The following EEPD1 variants were observed in gnomAD, a reference collection of about 807,000 sequenced individuals.
EEPD1 encodes endonuclease/exonuclease/phosphatase family domain containing 1.
A neutral mutation model predicts 46.3 loss-of-function variants in EEPD1; 17 were observed. The observed-to-expected ratio is 0.37, with a 90% CI of 0.25 to 0.55. The LOEUF is 0.55. Among genes scored for constraint, EEPD1 ranks in the 20% least tolerant of loss-of-function variants. The probability of loss-of-function intolerance (pLI) is 0.83; values close to 1 mark genes in which losing one functional copy is unlikely to be tolerated. For missense variants in EEPD1, 673 were observed against 745.6 expected, an observed-to-expected ratio of 0.90 and a Z score of 1.13; for synonymous variants, 313 against 315.6, an observed-to-expected ratio of 0.99 and a Z score of 0.09.
At chr7:36,261,327 C>T (rs1436655737) in intron 3 of EEPD1, among the ~76,000 whole-genome samples, 1 of 152,172 alleles carries the variant, frequency 6.6e-6, no homozygotes, top group Non-Finnish European at 1.5e-5. Flanking sequence ...CTGGAAGGGC[C>T]TCTGCTTGCC....
chr7:36,161,420 G>A (rs144329376), intron 2 of EEPD1, among the ~76,000 whole-genome samples: 1 of 151,960 alleles, frequency 6.6e-6, no homozygotes, highest in Non-Finnish European at 1.5e-5. Flanking sequence ...CTCAGCATTC[G>A]GTCAGGGATG....
intron 2 of EEPD1, among the ~76,000 whole-genome samples, chr7:36,224,616 GT>G: frequency 6.6e-6 from 1 of 152,284 alleles, no homozygotes; most frequent in Admixed American, 6.5e-5. Flanking sequence ...GCCAGGAACA[GT>G]AAAACGTGAA....
chr7:36,274,725 C>G (rs1787159200), intron 3 of EEPD1, among the ~76,000 whole-genome samples: 1 of 152,056 alleles, frequency 6.6e-6, no homozygotes, highest in South Asian at 2.1e-4. Flanking sequence ...TTGTAATGAC[C>G]CCAGGCATTC....
intron 6 of EEPD1, 84 bp downstream of exon 6, chr7:36,287,861 G>A (rs1427210236): frequency 4.5e-6 from 7 of 1,539,526 alleles, no homozygotes; most frequent in Non-Finnish European, 6.1e-6. Flanking sequence ...CTGACCACTT[G>A]GGCTGGCTGT....
intron 2 of EEPD1, among the ~76,000 whole-genome samples, chr7:36,230,439 A>C (rs989383578): frequency 6.6e-6 from 1 of 152,142 alleles, no homozygotes; most frequent in Non-Finnish European, 1.5e-5. Flanking sequence ...TTTCTGCAGA[A>C]TAATCCTTGA....
rs1787460418 is a variant in EEPD1, at chr7:36,292,423, TTTTC to T, written c.1316-4564_1316-4561del. Among the ~76,000 whole-genome samples the T allele has an allele frequency of 2.0e-5, 3 of 151,764 alleles. No individual in the cohort carries two copies. In the South Asian group the frequency reaches 6.3e-4, roughly 32 times the overall value. ...CTTTCTTTTCTTTCTTTTTCTCTCT[TTTTC>T]TTTCTCTCTCTCTGTCTCTCCCTCC... On this transcript the variant is annotated intron_variant, in intron 6 of 7. Coordinates refer to ENST00000242108, the MANE Select transcript of EEPD1 (RefSeq NM_030636.3).
chr7:36,262,033 A>G (rs150418400), intron 3 of EEPD1, among the ~76,000 whole-genome samples: 1 of 152,346 alleles, frequency 6.6e-6, no homozygotes, highest in East Asian at 1.9e-4. Flanking sequence ...GCGTTCACTG[A>G]CATTCCTTAG....
intron 6 of EEPD1, 102 bp downstream of exon 6, chr7:36,287,879 C>T: frequency 6.7e-7 from 1 of 1,494,162 alleles, no homozygotes; most frequent in Non-Finnish European, 9.1e-7. Flanking sequence ...TGTTTGTCAG[C>T]AATGTGAGTC....
intron 2 of EEPD1, among the ~76,000 whole-genome samples, chr7:36,187,203 G>A (rs775100738): frequency 1.3e-5 from 2 of 152,076 alleles, no homozygotes; most frequent in Non-Finnish European, 2.9e-5. Context: ...AATATTAAGC[G>A]ACATCACTTT....
At chr7:36,158,296 G>A (rs1471787451) in intron 2 of EEPD1, among the ~76,000 whole-genome samples, 2 of 152,092 alleles carry the variant, frequency 1.3e-5, no homozygotes, top group Non-Finnish European at 2.9e-5. Context: ...CTGCCTCTTG[G>A]TTAGACACCC....
intron 2 of EEPD1, among the ~76,000 whole-genome samples, chr7:36,213,345 G>A (rs1413142546): frequency 3.3e-5 from 5 of 152,092 alleles, no homozygotes; most frequent in Non-Finnish European, 7.4e-5. Flanking sequence ...TGGTCTGATG[G>A]TGTCTGAGAT....
intron 2 of EEPD1, among the ~76,000 whole-genome samples, chr7:36,166,726 T>G (rs1733972761): frequency 6.6e-6 from 1 of 152,238 alleles, no homozygotes; most frequent in Admixed American, 6.5e-5. Flanking sequence ...TGATTAATTC[T>G]GTTAGTTAAG....
chr7:36,216,954 T>C (rs1786038923), intron 2 of EEPD1, among the ~76,000 whole-genome samples: 1 of 152,254 alleles, frequency 6.6e-6, no homozygotes, highest in Admixed American at 6.5e-5. Flanking sequence ...TTCCTTTACT[T>C]TTTTCTGTAT....
chr7:36,278,534 A>G (rs933642127), intron 3 of EEPD1, among the ~76,000 whole-genome samples: 1 of 151,796 alleles, frequency 6.6e-6, no homozygotes, highest in Non-Finnish European at 1.5e-5. Flanking sequence ...TTAAAAATAG[A>G]GCTTTCCAGG....
At chr7:36,240,113 C>G (rs1786533021) in intron 3 of EEPD1, among the ~76,000 whole-genome samples, 2 of 152,034 alleles carry the variant, frequency 1.3e-5, no homozygotes, top group Non-Finnish European at 2.9e-5. Flanking sequence ...TTCAGAAAAT[C>G]AAGAAATTAG....
At chr7:36,155,314 T>C (rs904475964) in intron 2 of EEPD1, 112 bp downstream of exon 2, 3 of 1,270,974 alleles carry the variant, frequency 2.4e-6, no homozygotes, top group Non-Finnish European at 2.1e-6. Flanking sequence ...GCAAGAGTTT[T>C]TAATCAATGT....
intron 2 of EEPD1, among the ~76,000 whole-genome samples, chr7:36,201,980 A>G (rs1785719645): frequency 6.6e-6 from 1 of 152,196 alleles, no homozygotes; most frequent in South Asian, 2.1e-4. Context: ...CAGCAGCATC[A>G]GCATCATCTG....
chr7:36,155,964 ATAT>A (rs1329419642), intron 2 of EEPD1, among the ~76,000 whole-genome samples: 1 of 152,230 alleles, frequency 6.6e-6, no homozygotes, highest in Non-Finnish European at 1.5e-5. Context: ...AACAAAAACA[ATAT>A]TATTTTGGCA....
rs1218459321 is a variant in EEPD1 at position 36,225,055 on chromosome 7, A to G, written c.879-13930A>G. On this transcript the variant is annotated intron_variant, in intron 2 of 7. Coordinates refer to ENST00000242108, the MANE Select transcript of EEPD1 (RefSeq NM_030636.3). The surrounding 1 kb of genome is among the most constrained non-coding windows in gnomAD (Gnocchi z 4.2). ...ATGCAGGCAGCCACCAGAGACAAAA[A>G]AAAAATAGGCTCTCCTCTCGAGCCT... 6.6e-6 allele frequency among the ~76,000 whole-genome samples: 1 copy of G among 152,118 alleles called. No individual in the cohort carries two copies. Among genetic ancestry groups the G allele is most frequent in the Non-Finnish European group, 1.5e-5 (1 of 68,020 alleles).
Sources: gnomAD v4.1 joint callset for allele counts (sites outside exome capture counted in the v4.1 genomes callset) on GRCh38, gnomAD v4.1.1 for gene constraint, Gnocchi (gnomAD v3.1) non-coding constraint, MANE v1.5 for transcripts, NCBI Gene and HGNC (gene_info 2026-07-23, HGNC 2026-07-21) for gene names.